EML2: variants seen among roughly 807,000 people sequenced by gnomAD.
EML2 encodes echinoderm microtubule-associated protein-like 2.
Under a neutral mutation model 84.7 loss-of-function variants are expected in EML2, and 59 were observed. The observed-to-expected ratio is 0.70, with a 90% CI of 0.56 to 0.86. EML2 has a LOEUF of 0.86. EML2 is among the 40% of genes least tolerant of loss of function. The pLI is 0.00. For synonymous variants in EML2, 352 were observed against 348.9 expected (o/e 1.01, Z -0.10); for missense variants, 818 against 855.6 (o/e 0.96, Z 0.55).
upstream of EML2, chr19:45,645,434 C>A: frequency 2.8e-6 from 4 of 1,451,826 alleles, no homozygotes; most frequent in Non-Finnish European, 3.6e-6. Context: ...CAACGCCCTT[C>A]GTTCCAGCAT....
chr19:45,622,372 C>G (rs1196048778), intron 9 of EML2, among the ~76,000 whole-genome samples: 1 of 152,106 alleles, frequency 6.6e-6, no homozygotes, highest in Non-Finnish European at 1.5e-5. Flanking sequence ...ATCCATCAAC[C>G]CACCTCTCAT....
rs577045242 is a variant in EML2, at chr19:45,632,229, C to T, written c.510+632G>A. Among the ~76,000 whole-genome samples, 8 of 151,458 alleles carry T rather than the reference C, an allele frequency of 5.3e-5. No individual in the cohort carries two copies. In the East Asian group the frequency reaches 1.2e-3, roughly 22 times the overall value. ...TTGAGTACGAGTCTCGCTCTGTCGCCCAGGCTGGAGTGCTGTGGCGCGATC... is the reference window on the plus strand; with the variant it reads ...TTGAGTACGAGTCTCGCTCTGTCGCTCAGGCTGGAGTGCTGTGGCGCGATC... On this transcript the variant is annotated intron_variant, in intron 6 of 18. Coordinates refer to ENST00000245925, the MANE Select transcript of EML2 (RefSeq NM_012155.4).
At chr19:45,620,806 GA>G in intron 11 of EML2, 1 of 355,744 alleles carries the variant, frequency 2.8e-6, no homozygotes. Context: ...AGGAGGCCAG[GA>G]AGGGAGGAGC....
At chr19:45,621,990 G>A (rs1189617603) in intron 9 of EML2, among the ~76,000 whole-genome samples, 1 of 151,802 alleles carries the variant, frequency 6.6e-6, no homozygotes, top group Non-Finnish European at 1.5e-5. Context: ...TGATCCACCC[G>A]CCTTGGCCTC....
chr19:45,619,645 C>G (rs145923457), intron 11 of EML2, among the ~76,000 whole-genome samples: 2 of 152,192 alleles, frequency 1.3e-5, no homozygotes, highest in East Asian at 3.8e-4. Context: ...TATTACTGAC[C>G]GAGCGCAGTC....
At chr19:45,612,781 G>A (rs1200783358) in intron 18 of EML2, among the ~76,000 whole-genome samples, 1 of 152,182 alleles carries the variant, frequency 6.6e-6, no homozygotes, top group Non-Finnish European at 1.5e-5. Context: ...GGTACAGGAG[G>A]AGTCACTGTA....
At chr19:45,645,248 G>T, upstream of EML2, 1 of 1,531,260 alleles carries the variant, frequency 6.5e-7, no homozygotes, top group Non-Finnish European at 8.7e-7. Flanking sequence ...GCGGGGCCAA[G>T]GTCGGAACTG....
chr19:45,636,287 AAAAAG>A (rs2122785022), intron 3 of EML2, among the ~76,000 whole-genome samples: 1 of 152,318 alleles, frequency 6.6e-6, no homozygotes, highest in South Asian at 2.1e-4. Context: ...CTGGCTAATT[AAAAAG>A]AAATTTTCTG....
intron 18 of EML2, 66 bp downstream of exon 18, chr19:45,613,475 T>C (rs1038013952): frequency 8.2e-6 from 13 of 1,580,868 alleles, no homozygotes; most frequent in Middle Eastern, 1.7e-4. Flanking sequence ...GGACCAGAGC[T>C]GCCTGAATTT....
rs748241940 is a variant in EML2 at position 45,626,797 on chromosome 19, C to A, written c.649G>T (p.Asp217Tyr). 6.2e-7 allele frequency: 1 copy of A among 1,613,724 alleles called. No individual in the cohort carries two copies. The highest frequency in any genetic ancestry group is 1.1e-5 in the South Asian group (1 of 91,052). ...CCGCAGGTGATAAGCACAGTGGGGTCCGTGGGGTGGAAGGTGGCCACCAAT... is the reference window on the plus strand; with the variant it reads ...CCGCAGGTGATAAGCACAGTGGGGTACGTGGGGTGGAAGGTGGCCACCAAT... ...AVLVATFHPT[D>Y]PTVLITCGKS... The change falls in exon 8 of 19, where the codon GAC becomes TAC. Residue 217 changes from aspartate to tyrosine, a missense_variant. Asp to Tyr is a radical substitution (Grantham distance 160). Transcript: ENST00000245925.
chr19:45,645,485 G>T, upstream of EML2: 1 of 1,406,628 alleles, frequency 7.1e-7, no homozygotes, highest in Non-Finnish European at 9.2e-7. Flanking sequence ...CCGGCGCCGG[G>T]CCCGGCGCTG....
chr19:45,635,504 G>A (rs1446182184), intron 3 of EML2, among the ~76,000 whole-genome samples: 2 of 151,270 alleles, frequency 1.3e-5, no homozygotes, highest in African/African-American at 4.9e-5. Context: ...ATTGGAATGA[G>A]GTTTTTCTGT....
At chr19:45,638,913 T>C (rs1295679180) in intron 1 of EML2, 40 bp from the exon 2 acceptor site, 21 of 1,612,464 alleles carry the variant, frequency 1.3e-5, no homozygotes, top group Non-Finnish European at 1.8e-5. Flanking sequence ...GGTCTTAGTA[T>C]TCAGTTCAGA....
At position 45,632,739 on chromosome 19, in the gene EML2, G is replaced by A. The variant is rs908505116; in HGVS notation, c.510+122C>T. 1.1e-5 allele frequency: 9 copies of A among 807,674 alleles called. 1 individual carries two copies. In the South Asian group the frequency reaches 1.2e-4, roughly 11 times the overall value. The allele number at this position is 807,674 out of a possible 1,614,324, so 50.0% of individuals were successfully genotyped here. A position where few individuals can be genotyped will look rare whatever the true frequency, so the allele number is the denominator to read the frequency against. ...GACACGCCCTCATTGTGACGTCACA[G>A]AGGCGGGCCACGCCTCCAGCAGGAT... On this transcript the variant is annotated intron_variant, in intron 6 of 18. Transcript: ENST00000245925.
intron 17 of EML2, 112 bp from the exon 18 acceptor site, chr19:45,613,783 A>G (rs1033788218): frequency 6.7e-5 from 89 of 1,321,550 alleles, no homozygotes; most frequent in Admixed American, 4.6e-5. Flanking sequence ...GCCTGTATCT[A>G]TCCGAGGATA....
chr19:45,613,790 G>C, intron 17 of EML2, 119 bp from the exon 18 acceptor site: 2 of 1,270,560 alleles, frequency 1.6e-6, no homozygotes, highest in Non-Finnish European at 2.2e-6. Context: ...TCTATCCGAG[G>C]ATATGAGTCA....
chr19:45,625,738 A>G (rs1335615965), intron 8 of EML2, among the ~76,000 whole-genome samples: 1 of 152,160 alleles, frequency 6.6e-6, no homozygotes, highest in Non-Finnish European at 1.5e-5. Context: ...ACCAAAGGCA[A>G]TGAGCCCTAT....
chr19:45,641,515 C>T (rs1974495972), upstream of EML2: 10 of 942,634 alleles, frequency 1.1e-5, no homozygotes, highest in Non-Finnish European at 1.6e-5. Context: ...GGCTCTGGCA[C>T]CGTCCCCGCT....
In EML2 at chr19:45,609,799, G is replaced by A. The variant is rs1970294532; in HGVS notation, c.1825-11C>T. Reference sequence around the variant, plus strand: ...CTTGTGGCTGAGGGCCTGTTACAAGGAAAGAAGTAAGTGAAGAAATGTCAG... The same window carrying A: ...CTTGTGGCTGAGGGCCTGTTACAAGAAAAGAAGTAAGTGAAGAAATGTCAG... On this transcript the variant is annotated splice_polypyrimidine_tract_variant and intron_variant, in intron 18 of 18. Transcript: ENST00000245925. The A allele has an allele frequency of 6.2e-7, 1 of 1,611,284 alleles. No homozygotes were observed. Among genetic ancestry groups the A allele is most frequent in the African/African-American group, 1.3e-5 (1 of 74,820 alleles).
Sources: gnomAD v4.1 joint callset for allele counts (sites outside exome capture counted in the v4.1 genomes callset) on GRCh38, gnomAD v4.1.1 for gene constraint, MANE v1.5 for transcripts, NCBI Gene and HGNC (gene_info 2026-07-23, HGNC 2026-07-21) for gene names.